Variants in EYS observed in about 807,000 individuals in gnomAD.
The protein encoded by EYS is protein eyes shut homolog.
In EYS, 250 loss-of-function variants were observed where a neutral mutation model predicts 282.1. That is an observed-to-expected ratio of 0.89 (90% confidence interval 0.80 to 0.98). The LOEUF is 0.98. Ranked by LOEUF, EYS falls within the 50% of genes least tolerant of loss-of-function variation. The probability of loss-of-function intolerance (pLI) is 0.00; values close to 1 mark genes in which losing one functional copy is unlikely to be tolerated. For synonymous variants in EYS, 1,355 were observed against 1,282.9 expected (o/e 1.06, Z -1.20); for missense variants, 4,016 against 3,709.0 (o/e 1.08, Z -2.15).
chr6:65,272,648 G>A (rs1433750706), intron 12 of EYS, among the ~76,000 whole-genome samples: 1 of 151,926 alleles, frequency 6.6e-6, no homozygotes, highest in East Asian at 1.9e-4. Context: ...AGAACTATTA[G>A]GATATACATT....
rs1336884541 is a variant in EYS at position 64,703,426 on chromosome 6, TA to T, written c.3444-77182del. 2.2e-4 allele frequency among the ~76,000 whole-genome samples: 13 copies of T among 59,912 alleles called. 1 individual carries two copies. Among genetic ancestry groups the T allele is most frequent in the Admixed American group, 1.2e-3 (5 of 4,018 alleles). 39.3% of individuals were successfully genotyped at this position (59,912 alleles called of 152,430 possible). ...ACACACACACATATATATATATATA[TA>T]TATTTTTTTTTTTTTTTTTTGAGAT... On this transcript the variant is annotated intron_variant, in intron 22 of 42. Transcript: ENST00000503581.
chr6:63,908,361 A>G (rs755206965), intron 35 of EYS, among the ~76,000 whole-genome samples: 26 of 152,142 alleles, frequency 1.7e-4, no homozygotes, highest in Non-Finnish European at 2.6e-4. Flanking sequence ...CACTTTTGGT[A>G]AATGTAAATT....
chr6:63,852,684 G>T (rs1772290305), intron 36 of EYS, among the ~76,000 whole-genome samples: 1 of 152,066 alleles, frequency 6.6e-6, no homozygotes, highest in Non-Finnish European at 1.5e-5. Flanking sequence ...AACAAAAAAA[G>T]AAAATTTCAG....
intron 8 of EYS, among the ~76,000 whole-genome samples, chr6:65,364,377 A>G (rs550829032): frequency 8.6e-5 from 13 of 151,596 alleles, no homozygotes; most frequent in African/African-American, 2.9e-4. Context: ...CAGATATACT[A>G]GAGTAATAAT....
chr6:64,253,934 G>C lies in EYS; in HGVS notation c.6192-23110C>G, dbSNP rs184297077. On this transcript the variant is annotated intron_variant, in intron 30 of 42. Transcript: ENST00000503581. ...CTGTTATGAAGTTGTGATCTGCTTAGTAATACACCCCTTCTTATTTGTCCT... is the reference window on the plus strand; with the variant it reads ...CTGTTATGAAGTTGTGATCTGCTTACTAATACACCCCTTCTTATTTGTCCT... Among the ~76,000 whole-genome samples the C allele has an allele frequency of 8.5e-5, 13 of 152,232 alleles. No individual in the cohort carries two copies. The East Asian group carries it at 2.5e-3, about 29-fold the overall frequency.
chr6:64,235,248 C>G (rs1309389283), intron 30 of EYS, among the ~76,000 whole-genome samples: 6 of 139,980 alleles, frequency 4.3e-5, no homozygotes, highest in Middle Eastern at 3.7e-3. Flanking sequence ...CCTCCCCCTA[C>G]CCCACAACAG....
intron 29 of EYS, among the ~76,000 whole-genome samples, chr6:64,333,827 G>A (rs1582613536): frequency 6.6e-6 from 1 of 152,162 alleles, no homozygotes; most frequent in East Asian, 1.9e-4. Flanking sequence ...TGTTTACCCA[G>A]CTAGCCAAAA....
chr6:65,096,062 A>G (rs558894356), intron 12 of EYS, among the ~76,000 whole-genome samples: 1 of 151,222 alleles, frequency 6.6e-6, no homozygotes, highest in African/African-American at 2.4e-5. Context: ...TGATCCCCCA[A>G]AAATCTGTGA....
chr6:65,253,828 T>G (rs1767389999), intron 12 of EYS, among the ~76,000 whole-genome samples: 1 of 151,822 alleles, frequency 6.6e-6, no homozygotes, highest in Non-Finnish European at 1.5e-5. Context: ...TTTTTTCTTT[T>G]TATTACGTAG....
At chr6:65,330,784 T>C (rs1455232433) in intron 11 of EYS, 1 of 962,596 alleles carries the variant, frequency 1.0e-6, no homozygotes, top group East Asian at 1.2e-4. Flanking sequence ...CTACATTTCT[T>C]TCATTTATAT....
chr6:63,997,817 G>C (rs2149801314), intron 34 of EYS, among the ~76,000 whole-genome samples: 1 of 152,078 alleles, frequency 6.6e-6, no homozygotes, highest in South Asian at 2.1e-4. Context: ...TGTAGAAGTT[G>C]GTAGCATATT....
intron 2 of EYS, among the ~76,000 whole-genome samples, chr6:65,545,954 T>A (rs1562251788): frequency 6.6e-6 from 1 of 152,086 alleles, no homozygotes; most frequent in African/African-American, 2.4e-5. Flanking sequence ...TTTAGCAAAC[T>A]TATAAGCATC....
intron 26 of EYS, among the ~76,000 whole-genome samples, chr6:64,449,314 T>A (rs1381682840): frequency 6.6e-6 from 1 of 151,324 alleles, no homozygotes; most frequent in African/African-American, 2.4e-5. Flanking sequence ...GAAAAAAAAA[T>A]ACAAAGAAAT....
chr6:65,411,631 T>C (rs1767017167), intron 5 of EYS, among the ~76,000 whole-genome samples: 1 of 152,026 alleles, frequency 6.6e-6, no homozygotes, highest in South Asian at 2.1e-4. Flanking sequence ...TACCCACTTC[T>C]CTGCCCTCTA....
At chr6:65,643,873 A>T (rs949906514) in intron 1 of EYS, among the ~76,000 whole-genome samples, 2 of 152,136 alleles carry the variant, frequency 1.3e-5, no homozygotes, top group Non-Finnish European at 2.9e-5. Flanking sequence ...GAGGGGGTAC[A>T]AGAATACCAC....
At chr6:64,107,679 A>G (rs967374493) in intron 31 of EYS, among the ~76,000 whole-genome samples, 1 of 152,096 alleles carries the variant, frequency 6.6e-6, no homozygotes, top group African/African-American at 2.4e-5. Context: ...GTTGACACTC[A>G]GTATTAACCA....
chr6:65,073,655 A>AT (rs1239731244), intron 12 of EYS, among the ~76,000 whole-genome samples: 1 of 151,720 alleles, frequency 6.6e-6, no homozygotes, highest in Non-Finnish European at 1.5e-5. Context: ...ACTTTTTAAT[A>AT]TTTTTTATAT....
chr6:65,652,685 T>A (rs1475001662), intron 1 of EYS, among the ~76,000 whole-genome samples: 1 of 151,948 alleles, frequency 6.6e-6, no homozygotes, highest in Non-Finnish European at 1.5e-5. Flanking sequence ...AAAGACATAC[T>A]AGGGAGAATA....
chr6:63,779,267 G>C (rs1281512380), intron 39 of EYS: 2 of 151,812 alleles, frequency 1.3e-5, no homozygotes, highest in African/African-American at 4.8e-5. Flanking sequence ...GACCATCCTG[G>C]CTAACATGGT....
Sources: gnomAD v4.1 joint callset for allele counts (sites outside exome capture counted in the v4.1 genomes callset) on GRCh38, gnomAD v4.1.1 for gene constraint, MANE v1.5 for transcripts, NCBI Gene and HGNC (gene_info 2026-07-23, HGNC 2026-07-21) for gene names.